PDE10A: variants seen among roughly 807,000 people sequenced by gnomAD.
PDE10A encodes phosphodiesterase 10A, also known as cAMP and cAMP-inhibited cGMP 3',5'-cyclic phosphodiesterase 10A.
A neutral mutation model predicts 97.7 loss-of-function variants in PDE10A; 39 were observed. The ratio of observed to expected loss-of-function variants is 0.40; its 90% CI spans 0.31 to 0.52. The LOEUF (loss-of-function observed/expected upper bound fraction) is 0.52, where lower values mean the gene tolerates loss of function less well. PDE10A is among the 20% of genes least tolerant of loss of function. The probability of loss-of-function intolerance (pLI) is 0.56; values close to 1 mark genes in which losing one functional copy is unlikely to be tolerated. For synonymous variants in PDE10A, 371 were observed against 376.8 expected (o/e 0.98, Z 0.18); for missense variants, 731 against 1,047.8 (o/e 0.70, Z 4.17).
chr6:165,786,827 C>A (rs1778510791), intron 1 of PDE10A, among the ~76,000 whole-genome samples: 1 of 152,132 alleles, frequency 6.6e-6, no homozygotes, highest in Non-Finnish European at 1.5e-5. Context: ...TTATAGATAT[C>A]TTTCCTTTTT....
intron 1 of PDE10A, among the ~76,000 whole-genome samples, chr6:165,600,510 C>T (rs62426698): frequency 0.015 from 2,281 of 152,330 alleles, 37 homozygotes; most frequent in Non-Finnish European, 0.022. Context: ...AATGTTCTGA[C>T]GTGTCCTTTC....
chr6:165,489,448 C>G (rs577954123), intron 2 of PDE10A, among the ~76,000 whole-genome samples: 1 of 152,334 alleles, frequency 6.6e-6, no homozygotes, highest in East Asian at 1.9e-4. Context: ...ATCTGAACAG[C>G]AGCCCTTGAG....
chr6:165,519,222 C>T (rs894352951), intron 2 of PDE10A, among the ~76,000 whole-genome samples: 10 of 152,062 alleles, frequency 6.6e-5, no homozygotes, highest in Non-Finnish European at 1.5e-4. Flanking sequence ...TTCAAACTTA[C>T]GATATACGGC....
At chr6:165,453,786 G>A (rs1777775510) in intron 3 of PDE10A, among the ~76,000 whole-genome samples, 1 of 152,208 alleles carries the variant, frequency 6.6e-6, no homozygotes, top group Non-Finnish European at 1.5e-5. Context: ...ACTTGTTACA[G>A]CAGTGGAGCC....
intron 1 of PDE10A, among the ~76,000 whole-genome samples, chr6:165,981,880 A>C (rs554420486): frequency 6.6e-6 from 1 of 152,236 alleles, no homozygotes; most frequent in Non-Finnish European, 1.5e-5. Context: ...CGATCTGAGC[A>C]ATTCTATTAG....
chr6:165,840,799 T>C (rs1237410711), intron 1 of PDE10A, among the ~76,000 whole-genome samples: 1 of 152,238 alleles, frequency 6.6e-6, no homozygotes, highest in Non-Finnish European at 1.5e-5. Context: ...ACATGCAATA[T>C]AAATGTGCAC....
chr6:165,974,694 G>C (rs962652049), intron 1 of PDE10A, among the ~76,000 whole-genome samples: 2 of 152,162 alleles, frequency 1.3e-5, no homozygotes, highest in Non-Finnish European at 2.9e-5. Flanking sequence ...TACCTTCTCT[G>C]GGACCACAGT....
intron 1 of PDE10A, among the ~76,000 whole-genome samples, chr6:165,825,819 A>G (rs970433337): frequency 5.9e-5 from 9 of 152,170 alleles, no homozygotes; most frequent in African/African-American, 1.7e-4. Flanking sequence ...CAAAACTTCC[A>G]GGCAGCATCA....
At chr6:165,416,131 A>G (rs534324845) in intron 12 of PDE10A, 58 bp downstream of exon 12, 1 of 1,114,000 alleles carries the variant, frequency 9.0e-7, no homozygotes, top group Non-Finnish European at 1.4e-6. Context: ...AAGAGGTTTC[A>G]GCTGAGTGGG....
chr6:165,384,572 C>T (rs1224649815), intron 17 of PDE10A, among the ~76,000 whole-genome samples: 1 of 150,560 alleles, frequency 6.6e-6, no homozygotes, highest in African/African-American at 2.5e-5. Flanking sequence ...AAGCTGTGAG[C>T]AAATACCCAC....
intron 2 of PDE10A, among the ~76,000 whole-genome samples, chr6:165,502,337 A>G (rs951123816): frequency 6.6e-6 from 1 of 152,216 alleles, no homozygotes; most frequent in Non-Finnish European, 1.5e-5. Context: ...ACAGACTGGG[A>G]GAAAGTATTT....
chr6:165,471,184 T>A (rs576324013), intron 3 of PDE10A, among the ~76,000 whole-genome samples: 1 of 152,254 alleles, frequency 6.6e-6, no homozygotes, highest in African/African-American at 2.4e-5. Context: ...TTGCTCTATT[T>A]TATTTTAAAT....
intron 1 of PDE10A, among the ~76,000 whole-genome samples, chr6:165,944,430 C>T (rs1359338160): frequency 2.0e-5 from 3 of 152,174 alleles, no homozygotes; most frequent in Admixed American, 6.5e-5. Flanking sequence ...ACATGGTGGG[C>T]CCCCAGGCAT....
intron 2 of PDE10A, among the ~76,000 whole-genome samples, chr6:165,542,002 A>G (rs534906743): frequency 3.3e-5 from 5 of 152,344 alleles, no homozygotes; most frequent in African/African-American, 1.2e-4. Flanking sequence ...TTCTAACACC[A>G]TAACATTTTA....
chr6:165,618,415 T>C (rs1787825039), intron 1 of PDE10A, among the ~76,000 whole-genome samples: 1 of 152,062 alleles, frequency 6.6e-6, no homozygotes, highest in African/African-American at 2.4e-5. Context: ...GAAAGAGGCA[T>C]TTGGGAATTT....
intron 15 of PDE10A, 63 bp downstream of exon 15, chr6:165,395,118 T>C (rs1481722886): frequency 5.1e-6 from 5 of 983,158 alleles, no homozygotes; most frequent in East Asian, 4.8e-5. Context: ...GGCATATATG[T>C]AGAAGGAGGA....
intron 2 of PDE10A, among the ~76,000 whole-genome samples, chr6:165,522,757 C>T (rs1274308453): frequency 6.6e-6 from 1 of 151,948 alleles, no homozygotes; most frequent in East Asian, 1.9e-4. Context: ...TAGCATAGTA[C>T]TGGATGATGT....
intron 7 of PDE10A, among the ~76,000 whole-genome samples, chr6:165,432,770 A>G (rs772317481): frequency 1.3e-5 from 2 of 152,174 alleles, no homozygotes; most frequent in Non-Finnish European, 2.9e-5. Context: ...AAAGGACCAT[A>G]TCTCTTATGT....
intron 2 of PDE10A, among the ~76,000 whole-genome samples, chr6:165,512,145 G>C (rs1247798574): frequency 2.0e-5 from 3 of 151,462 alleles, no homozygotes; most frequent in Non-Finnish European, 4.4e-5. Context: ...TTTTCTGTAG[G>C]GGTTCCATTT....
Sources: allele counts gnomAD v4.1 joint callset (sites outside exome capture counted in the v4.1 genomes callset), GRCh38; gene constraint gnomAD v4.1.1; transcripts MANE v1.5; gene names NCBI Gene and HGNC (gene_info 2026-07-23, HGNC 2026-07-21).